Variants in BEND7 observed in about 807,000 individuals in gnomAD.
The protein encoded by BEND7 is BEN domain containing 7.
Under a neutral mutation model 50.9 loss-of-function variants are expected in BEND7, and 28 were observed. The ratio of observed to expected loss-of-function variants is 0.55; its 90% CI spans 0.41 to 0.75. BEND7 has a LOEUF of 0.75. Among genes scored for constraint, BEND7 ranks in the 30% least tolerant of loss-of-function variants. The probability of loss-of-function intolerance (pLI) is 0.00; values close to 1 mark genes in which losing one functional copy is unlikely to be tolerated. For synonymous variants in BEND7, 170 were observed against 183.9 expected (o/e 0.92, Z 0.61); for missense variants, 477 against 491.3 (o/e 0.97, Z 0.28).
chr10:13,456,176 G>C (rs919695599), intron 6 of BEND7, among the ~76,000 whole-genome samples: 4 of 152,172 alleles, frequency 2.6e-5, no homozygotes, highest in Admixed American at 2.6e-4. Context: ...ACAGAAAAAG[G>C]CTCATGGGCT....
chr10:13,527,830 AGTG>A (rs1215865878), intron 1 of BEND7: 48 of 983,744 alleles, frequency 4.9e-5, no homozygotes, highest in Non-Finnish European at 5.4e-5. Context: ...CAAACCCTAG[AGTG>A]TGGTGTACAC....
At chr10:13,499,714 T>C in intron 3 of BEND7, 64 bp downstream of exon 3, 1 of 1,392,258 alleles carries the variant, frequency 7.2e-7, no homozygotes, top group Non-Finnish European at 9.5e-7. Flanking sequence ...ACACACTGAA[T>C]ATTTAGAAAT....
intron 2 of BEND7, among the ~76,000 whole-genome samples, chr10:13,524,644 C>CAAA (rs58967065): frequency 2.3e-5 from 2 of 88,516 alleles, no homozygotes; most frequent in African/African-American, 7.9e-5. Context: ...ACCTCCGTCT[C>CAAA]AAAAAAAAAA....
chr10:13,515,088 C>T (rs1025013312), intron 2 of BEND7, among the ~76,000 whole-genome samples: 2 of 152,188 alleles, frequency 1.3e-5, no homozygotes, highest in Non-Finnish European at 1.5e-5. Context: ...GAACACATCA[C>T]TTATTTTATC....
intron 7 of BEND7, among the ~76,000 whole-genome samples, chr10:13,449,737 C>T (rs886778434): frequency 2.6e-5 from 4 of 152,022 alleles, no homozygotes; most frequent in African/African-American, 7.3e-5. Flanking sequence ...AAAAAACAGG[C>T]CTATGCAATT....
intron 2 of BEND7, among the ~76,000 whole-genome samples, chr10:13,505,014 G>T (rs1219370576): frequency 6.6e-6 from 1 of 152,236 alleles, no homozygotes; most frequent in Non-Finnish European, 1.5e-5. Flanking sequence ...CCACTACGTG[G>T]AACACGATTA....
At chr10:13,488,086 C>CAAAAAA (rs753018197) in intron 5 of BEND7, among the ~76,000 whole-genome samples, 5 of 68,522 alleles carry the variant, frequency 7.3e-5, no homozygotes, top group Non-Finnish European at 1.8e-4. Context: ...GTCTCAATTA[C>CAAAAAA]AAAAAAAAAA....
chr10:13,526,228 T>G lies in BEND7; in HGVS notation c.62-7A>C. 2 of 1,284,010 alleles carry G rather than the reference T, an allele frequency of 1.6e-6. No individual in the cohort carries two copies. Among genetic ancestry groups the G allele is most frequent in the Non-Finnish European group, 2.0e-6 (2 of 985,992 alleles). The allele number at this position is 1,284,010 out of a possible 1,614,324, so 79.5% of individuals were successfully genotyped here. On this transcript the variant is annotated splice_polypyrimidine_tract_variant and splice_region_variant and intron_variant, in intron 1 of 8. Transcript: ENST00000466271. ...TACACCTCGTGGTGATAATCTGGCA[T>G]GAGAAAACAACCAAAAATTAGAATC...
Position 13,528,657 on chromosome 10 carries a change from G to A in BEND7, c.-124C>T, listed in dbSNP as rs1351447916. The A allele has an allele frequency of 1.3e-5, 6 of 474,686 alleles. No homozygotes were observed. The highest frequency in any genetic ancestry group is 2.1e-5 in the African/African-American group (1 of 46,702). The allele number at this position is 474,686 out of a possible 1,614,324, so 29.4% of individuals were successfully genotyped here. Reference sequence around the variant, plus strand: ...GGCGGAGCCGCCGGGACCAAGGTCCGCGCCTGGAGTCGGCGAGGGGAGGCC... The same window carrying A: ...GGCGGAGCCGCCGGGACCAAGGTCCACGCCTGGAGTCGGCGAGGGGAGGCC... On this transcript the variant is annotated 5_prime_UTR_variant, in exon 1 of 9. Coordinates refer to ENST00000466271, the MANE Select transcript of BEND7 (RefSeq NM_001369863.1).
chr10:13,494,585 G>A lies in BEND7; in HGVS notation c.572-1709C>T, dbSNP rs970745044. ...TTGGGAACTTCTCTTTGGTCTCTCT[G>A]CATTCCCCCTCAAGGCTGGGTCTGC... On this transcript the variant is annotated intron_variant, in intron 4 of 8. Coordinates refer to ENST00000466271, the MANE Select transcript of BEND7 (RefSeq NM_001369863.1). Among the ~76,000 whole-genome samples the A allele has an allele frequency of 2.8e-4, 43 of 152,216 alleles. 1 individual carries two copies. The highest frequency in any genetic ancestry group is 7.7e-4 in the African/African-American group (32 of 41,448).
chr10:13,522,109 G>A (rs1368689406), intron 2 of BEND7, among the ~76,000 whole-genome samples: 1 of 91,508 alleles, frequency 1.1e-5, no homozygotes, highest in African/African-American at 4.3e-5. Context: ...GCTTGGCATG[G>A]ATGTAAATGG....
chr10:13,479,568 T>G (rs2075708972), intron 6 of BEND7, among the ~76,000 whole-genome samples: 1 of 152,254 alleles, frequency 6.6e-6, no homozygotes, highest in Non-Finnish European at 1.5e-5. Flanking sequence ...ACCAGTAGCC[T>G]TGACCTTCTT....
At chr10:13,472,095 A>C (rs1443307465) in intron 6 of BEND7, among the ~76,000 whole-genome samples, 4 of 152,050 alleles carry the variant, frequency 2.6e-5, no homozygotes, top group Non-Finnish European at 4.4e-5. Context: ...CTCGGGGTCG[A>C]TACCCGTCAT....
intron 5 of BEND7, among the ~76,000 whole-genome samples, chr10:13,481,912 G>A (rs906487541): frequency 6.6e-6 from 1 of 152,186 alleles, no homozygotes; most frequent in Non-Finnish European, 1.5e-5. Flanking sequence ...CACGCTCGGC[G>A]CTCAGCACGC....
At position 13,441,458 on chromosome 10, in the gene BEND7, G is replaced by GGT; in HGVS notation, c.*283_*284dup. ...GATCCGTTCATCGCACACATCTTTG[G>GGT]GTTGAACAAGCTCCACCCGTCCTCA... On this transcript the variant is annotated 3_prime_UTR_variant, in exon 9 of 9. Coordinates refer to ENST00000466271, the MANE Select transcript of BEND7 (RefSeq NM_001369863.1). 8.7e-7 allele frequency: 1 copy of GGT among 1,143,420 alleles called. No homozygotes were observed. The highest frequency in any genetic ancestry group is 1.1e-6 in the Non-Finnish European group (1 of 942,200). 70.8% of individuals were successfully genotyped at this position (1,143,420 alleles called of 1,614,324 possible). A position where few individuals can be genotyped will look rare whatever the true frequency, so the allele number is the denominator to read the frequency against.
rs560584324 is a variant in BEND7, at chr10:13,481,086, C to T, written c.876G>A (p.Met292Ile). The T allele has an allele frequency of 1.9e-6, 3 of 1,614,102 alleles. No homozygotes were observed. In the African/African-American group the frequency reaches 4.0e-5, roughly 22 times the overall value. The change falls in exon 6 of 9, where the codon ATG (methionine) becomes ATA (isoleucine). Residue 292 changes from methionine (M) to isoleucine (I), a missense_variant. Met to Ile is a conservative substitution (Grantham distance 10). Transcript: ENST00000466271. Reference sequence around the variant, plus strand: ...ATATAGAGTCCAGCTGAGATTTAGGCATAAACACGTCAAAGCCTTCAGCAA... The same window carrying T: ...ATATAGAGTCCAGCTGAGATTTAGGTATAAACACGTCAAAGCCTTCAGCAA... ...VQLAEGFDVF[M>I]PKSQLDSILS...
chr10:13,494,350 G>C (rs1588939612), intron 4 of BEND7, among the ~76,000 whole-genome samples: 1 of 152,206 alleles, frequency 6.6e-6, no homozygotes, highest in African/African-American at 2.4e-5. Flanking sequence ...CCAGGAGGCG[G>C]AGGTTGCAGT....
At chr10:13,491,058 C>T (rs1444999040) in intron 5 of BEND7, among the ~76,000 whole-genome samples, 2 of 152,142 alleles carry the variant, frequency 1.3e-5, no homozygotes, top group African/African-American at 2.4e-5. Flanking sequence ...CCCACCTTGG[C>T]CTCCCAAAGT....
Position 13,528,523 on chromosome 10 carries a change from G to T in BEND7, c.11C>A (p.Ser4Tyr). The T allele has an allele frequency of 9.6e-7, 1 of 1,037,422 alleles. No homozygotes were observed. Among genetic ancestry groups the T allele is most frequent in the Non-Finnish European group, 1.2e-6 (1 of 863,236 alleles). The allele number at this position is 1,037,422 out of a possible 1,614,324, so 64.3% of individuals were successfully genotyped here. A position where few individuals can be genotyped will look rare whatever the true frequency, so the allele number is the denominator to read the frequency against. Residue 4 changes from serine to tyrosine, a missense_variant, in exon 1 of 9, where the codon TCC becomes TAC. Ser to Tyr is a moderately radical substitution (Grantham distance 144, BLOSUM62 -2). Around this residue, in one of 3 missense-constraint regions of BEND7, gnomAD observed 396 missense variants for 384.2 expected, o/e 1.03. Coordinates refer to ENST00000466271, the MANE Select transcript of BEND7 (RefSeq NM_001369863.1). MEF[S>Y]ERKRSRKSQS... ...GGATTTCCTGCTTCTTTTCCTCTCG[G>T]AGAACTCCATGGTGCGGGGAAGGCG...
Sources: gnomAD v4.1 joint callset for allele counts (sites outside exome capture counted in the v4.1 genomes callset) on GRCh38, gnomAD v4.1.1 for gene constraint, gnomAD v4.1.1 regional missense constraint, MANE v1.5 for transcripts, NCBI Gene and HGNC (gene_info 2026-07-23, HGNC 2026-07-21) for gene names.